The following TUSC3 variants were observed in gnomAD, a reference collection of about 807,000 sequenced individuals.
TUSC3 encodes the protein dolichyl-diphosphooligosaccharide--protein glycosyltransferase subunit TUSC3.
TUSC3 carries 45 observed loss-of-function variants against 44.8 expected under a neutral mutation model. That is an observed-to-expected ratio of 1.00 (90% CI 0.79 to 1.29). The LOEUF is 1.29. TUSC3 is among the 50% of genes most tolerant of loss of function. TUSC3 has a pLI of 0.00. For synonymous variants in TUSC3, 212 were observed against 152.9 expected (o/e 1.39, Z -2.85); for missense variants, 519 against 437.9 (o/e 1.19, Z -1.65).
chr8:15,577,449 C>G (rs1022300919), intron 1 of TUSC3, among the ~76,000 whole-genome samples: 1 of 151,528 alleles, frequency 6.6e-6, no homozygotes, highest in Non-Finnish European at 1.5e-5. Flanking sequence ...GGTTTTAGCT[C>G]TAATGTTTAA....
the TUSC3 span, among the ~76,000 whole-genome samples, chr8:15,813,533 G>A: frequency 1.3e-5 from 2 of 151,720 alleles, no homozygotes; most frequent in African/African-American, 4.9e-5. Flanking sequence ...ACAACTTGAT[G>A]ACAGCAATGG....
At chr8:15,798,649 T>TGTGTG in the TUSC3 span, among the ~76,000 whole-genome samples, 3 of 147,266 alleles carry the variant, frequency 2.0e-5, no homozygotes, top group African/African-American at 8.0e-5. Context: ...CCTGGGTGTG[T>TGTGTG]GGGGGGGGTC....
chr8:15,748,758 T>C (rs1284489152), intron 9 of TUSC3: 2 of 564,100 alleles, frequency 3.5e-6, no homozygotes, highest in Non-Finnish European at 6.9e-6. Context: ...TATCTTCCCT[T>C]AGTTTGTCGT....
At chr8:15,776,353 C>G in the TUSC3 span, among the ~76,000 whole-genome samples, 1 of 151,968 alleles carries the variant, frequency 6.6e-6, no homozygotes. Flanking sequence ...AATATCCTAA[C>G]AAAAAGAAAC....
chr8:15,800,143 A>T, the TUSC3 span, among the ~76,000 whole-genome samples: 1 of 152,184 alleles, frequency 6.6e-6, no homozygotes, highest in East Asian at 1.9e-4. Context: ...TGCTCCTTGA[A>T]TGGATAGTCC....
At chr8:15,593,372 C>T (rs550790038) in intron 1 of TUSC3, among the ~76,000 whole-genome samples, 1 of 152,246 alleles carries the variant, frequency 6.6e-6, no homozygotes, top group African/African-American at 2.4e-5. Flanking sequence ...AGGCCTGAGC[C>T]ACCACACCCG....
chr8:15,621,827 T>C (rs761375663), intron 1 of TUSC3, among the ~76,000 whole-genome samples: 2 of 151,894 alleles, frequency 1.3e-5, no homozygotes, highest in Non-Finnish European at 2.9e-5. Context: ...TTCTTTTTCA[T>C]ACAGTTAGCA....
intron 6 of TUSC3, among the ~76,000 whole-genome samples, chr8:15,680,400 C>T (rs1247489300): frequency 6.6e-6 from 1 of 151,766 alleles, no homozygotes; most frequent in Non-Finnish European, 1.5e-5. Context: ...TGGTTCTTGA[C>T]TTGAACGTTA....
intron 6 of TUSC3, among the ~76,000 whole-genome samples, chr8:15,696,443 G>A (rs947676534): frequency 6.6e-6 from 1 of 152,166 alleles, no homozygotes; most frequent in South Asian, 2.1e-4. Context: ...ATGCAGGGGT[G>A]GGGCACTCAA....
chr8:15,499,775 A>T (rs529802073), intron 2 of TUSC3, among the ~76,000 whole-genome samples: 1 of 152,216 alleles, frequency 6.6e-6, no homozygotes, highest in Admixed American at 6.5e-5. Flanking sequence ...TCTTCTCCCT[A>T]CACCATTAAT....
intron 9 of TUSC3, 99 bp downstream of exon 9, chr8:15,748,564 G>T (rs746380584): frequency 6.7e-6 from 8 of 1,194,216 alleles, no homozygotes; most frequent in Middle Eastern, 1.9e-4. Context: ...AAGTTGCTGT[G>T]TGGTTTTTTT....
At chr8:15,705,231 T>C (rs1022972906) in intron 6 of TUSC3, among the ~76,000 whole-genome samples, 1 of 151,998 alleles carries the variant, frequency 6.6e-6, no homozygotes, top group Non-Finnish European at 1.5e-5. Context: ...AAGGAAGCAC[T>C]GCTGGAATGT....
chr8:15,607,293 A>C (rs79445887), intron 1 of TUSC3, among the ~76,000 whole-genome samples: 1 of 152,118 alleles, frequency 6.6e-6, no homozygotes, highest in Non-Finnish European at 1.5e-5. Flanking sequence ...CACTGGGCAT[A>C]CAGTGATGGT....
At chr8:15,546,868 T>C (rs1474606982) in intron 1 of TUSC3, among the ~76,000 whole-genome samples, 2 of 151,594 alleles carry the variant, frequency 1.3e-5, no homozygotes, top group East Asian at 3.9e-4. Context: ...GTAGTTGGTA[T>C]CTGTTTGCCT....
chr8:15,818,376 AATT>A, the TUSC3 span, among the ~76,000 whole-genome samples: 12 of 152,134 alleles, frequency 7.9e-5, no homozygotes, highest in Non-Finnish European at 1.3e-4. Context: ...TTTCTGTATA[AATT>A]ATTATTGTAC....
intron 1 of TUSC3, among the ~76,000 whole-genome samples, chr8:15,443,477 G>A (rs773929316): frequency 2.0e-5 from 3 of 151,926 alleles, no homozygotes; most frequent in Non-Finnish European, 2.9e-5. Flanking sequence ...AGGATTACAA[G>A]AGTGGTGAAA....
chr8:15,558,950 C>T (rs963028053), intron 1 of TUSC3, among the ~76,000 whole-genome samples: 4 of 150,858 alleles, frequency 2.7e-5, no homozygotes, highest in African/African-American at 7.3e-5. Context: ...TTTCAAAAAA[C>T]CAGCTCCTGG....
intron 2 of TUSC3, among the ~76,000 whole-genome samples, chr8:15,504,621 ATTTTTT>A (rs869264757): frequency 8.1e-3 from 164 of 20,258 alleles, no homozygotes; most frequent in African/African-American, 0.018. Flanking sequence ...ATATATATAT[ATTTTTT>A]TTTTTTTTTT....
chr8:15,479,798 C>T (rs560101899), intron 1 of TUSC3, among the ~76,000 whole-genome samples: 2 of 152,142 alleles, frequency 1.3e-5, no homozygotes, highest in South Asian at 4.1e-4. Flanking sequence ...AAGTTCTGGC[C>T]AGGCCTATCA....
Sources: allele counts gnomAD v4.1 joint callset (sites outside exome capture counted in the v4.1 genomes callset), GRCh38; gene constraint gnomAD v4.1.1; transcripts MANE v1.5; gene names NCBI Gene and HGNC (gene_info 2026-07-23, HGNC 2026-07-21).